KIF1A: variants seen among roughly 807,000 people sequenced by gnomAD.
The protein encoded by KIF1A is kinesin-like protein KIF1A.
Under a neutral mutation model 227.3 loss-of-function variants are expected in KIF1A, and 46 were observed. That is an observed-to-expected ratio of 0.20 (90% CI 0.16 to 0.26). The LOEUF (loss-of-function observed/expected upper bound fraction) is 0.26. KIF1A is among the 10% of genes least tolerant of loss of function. KIF1A has a pLI of 1.00. For missense variants in KIF1A, 1,683 were observed against 2,485.9 expected (o/e 0.68, Z 6.87); for synonymous variants, 1,022 against 1,012.8 (o/e 1.01, Z -0.17).
chr2:240,729,310 C>T (rs1421068752), intron 38 of KIF1A, among the ~76,000 whole-genome samples: 1 of 148,680 alleles, frequency 6.7e-6, no homozygotes, highest in African/African-American at 2.6e-5. Context: ...CCTTCTCTTC[C>T]ATCTCCGTGT....
intron 28 of KIF1A, among the ~76,000 whole-genome samples, 175 bp from the exon 29 acceptor site, chr2:240,747,496 G>C (rs1396313178): frequency 6.6e-6 from 1 of 152,130 alleles, no homozygotes; most frequent in East Asian, 1.9e-4. Flanking sequence ...GCATGTCCCG[G>C]CACACTGACC....
chr2:240,730,688 G>A (rs537398243), intron 38 of KIF1A, among the ~76,000 whole-genome samples: 1 of 152,218 alleles, frequency 6.6e-6, no homozygotes, highest in South Asian at 2.1e-4. Flanking sequence ...CTAAGAGCAG[G>A]GGATTGTGCT....
intron 1 of KIF1A, among the ~76,000 whole-genome samples, chr2:240,798,519 C>T (rs1454193325): frequency 2.0e-5 from 3 of 152,238 alleles, no homozygotes; most frequent in Non-Finnish European, 2.9e-5. Flanking sequence ...CAGCTTCGGC[C>T]TGGCCTTTAC....
chr2:240,717,808 G>T (rs557881744), intron 48 of KIF1A, among the ~76,000 whole-genome samples: 7 of 152,232 alleles, frequency 4.6e-5, no homozygotes, highest in Non-Finnish European at 1.0e-4. Context: ...GTGAGGGCAG[G>T]CCGCGCTGCC....
Position 240,792,558 on chromosome 2 carries a change from G to A in KIF1A, c.107-3246C>T, listed in dbSNP as rs1174473004. Among the ~76,000 whole-genome samples the A allele has an allele frequency of 1.3e-5, 2 of 152,036 alleles. No homozygotes were observed. Among genetic ancestry groups the A allele is most frequent in the Non-Finnish European group, 2.9e-5 (2 of 67,994 alleles). ...GGGTGAGGAGTGGGGGGAGCTGGAA[G>A]AAGGGGGACGGGAAAGGAATGGAAT... is the stretch of plus-strand genomic sequence containing the variant. On this transcript the variant is annotated intron_variant, in intron 2 of 48. Coordinates refer to ENST00000498729, the MANE Select transcript of KIF1A (RefSeq NM_001244008.2). This position sits in a 1 kb window ranked among gnomAD's most constrained non-coding sequence, Gnocchi z 4.5.
Position 240,744,013 on chromosome 2 carries a change from C to T in KIF1A, c.3513G>A (p.Gln1171=). 1 of 1,613,806 alleles carries T rather than the reference C, an allele frequency of 6.2e-7. No homozygotes were observed. Among genetic ancestry groups the T allele is most frequent in the Admixed American group, 1.7e-5 (1 of 60,020 alleles). Residue 1171 remains glutamine (Q), a synonymous_variant, in exon 33 of 49, where the codon CAG becomes CAA. Transcript: ENST00000498729. The part of the protein sequence containing the change: ...TKSFIEYIKS[Q]PIVFEVFGHY... Reference sequence around the variant, plus strand: ...GGCCAAAGACCTCGAAAACAATGGGCTGGCTCTTGATGTACTCAATGAAGG... The same window carrying T: ...GGCCAAAGACCTCGAAAACAATGGGTTGGCTCTTGATGTACTCAATGAAGG...
chr2:240,769,318 G>A, intron 16 of KIF1A, 110 bp from the exon 17 acceptor site: 1 of 918,484 alleles, frequency 1.1e-6, no homozygotes, highest in Non-Finnish European at 1.7e-6. Flanking sequence ...TGGCCTGGGT[G>A]GTGCCCATGC....
Position 240,721,132 on chromosome 2 carries a change from T to A in KIF1A, c.4744-94A>T, listed in dbSNP as rs920291371. The A allele has an allele frequency of 9.3e-6, 14 of 1,499,920 alleles. No homozygotes were observed. The East Asian group carries it at 3.1e-4, about 34-fold the overall frequency. 92.9% of individuals were successfully genotyped at this position (1,499,920 alleles called of 1,614,324 possible). A position where few individuals can be genotyped will look rare whatever the true frequency, so the allele number is the denominator to read the frequency against. On this transcript the variant is annotated intron_variant, in intron 44 of 48. Coordinates refer to ENST00000498729, the MANE Select transcript of KIF1A (RefSeq NM_001244008.2). ...CCTGTGCCTGCGCTTACCCCACACCTGCTGCTTAGGGCACCCCACCCCTCC... is the reference window on the plus strand; with the variant it reads ...CCTGTGCCTGCGCTTACCCCACACCAGCTGCTTAGGGCACCCCACCCCTCC...
At position 240,725,500 on chromosome 2, in the gene KIF1A, C is replaced by G; in HGVS notation, c.4123-96G>C. On this transcript the variant is annotated intron_variant, in intron 39 of 48. Coordinates refer to ENST00000498729, the MANE Select transcript of KIF1A (RefSeq NM_001244008.2). The surrounding 1 kb of genome is among the most constrained non-coding windows in gnomAD (Gnocchi z 5.8). ...CTGGGGGCACAATGCCCAGCACCGACAGGCAGCCCCAGGGCCTTCCCAGGG... is the reference window on the plus strand; with the variant it reads ...CTGGGGGCACAATGCCCAGCACCGAGAGGCAGCCCCAGGGCCTTCCCAGGG... The G allele has an allele frequency of 7.3e-7, 1 of 1,364,722 alleles. No homozygotes were observed. Among genetic ancestry groups the G allele is most frequent in the Non-Finnish European group, 1.0e-6 (1 of 993,262 alleles). 84.5% of individuals were successfully genotyped at this position (1,364,722 alleles called of 1,614,324 possible).
chr2:240,782,722 C>T, intron 9 of KIF1A, 115 bp from the exon 10 acceptor site: 1 of 1,113,162 alleles, frequency 9.0e-7, no homozygotes, highest in Non-Finnish European at 1.3e-6. Context: ...CAGGCTCTAC[C>T]ACCCCGTGGT....
rs1429873723 is a variant in KIF1A at position 240,741,243 on chromosome 2, C to T, written c.3749+26G>A. The T allele has an allele frequency of 5.9e-6, 9 of 1,527,820 alleles. No homozygotes were observed. The South Asian group carries it at 8.3e-5, about 14-fold the overall frequency. 94.6% of individuals were successfully genotyped at this position (1,527,820 alleles called of 1,614,324 possible). On this transcript the variant is annotated intron_variant, in intron 35 of 48. Coordinates refer to ENST00000498729, the MANE Select transcript of KIF1A (RefSeq NM_001244008.2). Reference sequence around the variant, plus strand: ...GCACCCCCCGACACACACTCACGCCCTGGGGGCCCCAGCACCAGCACTCAC... The same window carrying T: ...GCACCCCCCGACACACACTCACGCCTTGGGGGCCCCAGCACCAGCACTCAC...
intron 38 of KIF1A, 50 bp downstream of exon 38, chr2:240,737,013 C>T: frequency 2.0e-6 from 3 of 1,471,836 alleles, no homozygotes; most frequent in Non-Finnish European, 2.8e-6. Context: ...GAGGGCCTGG[C>T]AGGCTGGGAA....
At chr2:240,759,262 C>A (rs1559505095) in intron 25 of KIF1A, among the ~76,000 whole-genome samples, 1 of 151,976 alleles carries the variant, frequency 6.6e-6, no homozygotes, top group Non-Finnish European at 1.5e-5. Context: ...GCACTGCAGG[C>A]TGGGGAGGGC....
chr2:240,773,016 A>G (rs2052214578), intron 13 of KIF1A, 98 bp downstream of exon 13: 1 of 1,338,904 alleles, frequency 7.5e-7, no homozygotes, highest in South Asian at 1.5e-5. Flanking sequence ...TGCAGCCAGC[A>G]AAGTGGTGGC....
chr2:240,807,078 ATGTGTGTGTGTGTGTGTG>A (rs67918205), intron 1 of KIF1A, among the ~76,000 whole-genome samples: 14 of 95,254 alleles, frequency 1.5e-4, no homozygotes, highest in Admixed American at 2.1e-4. Flanking sequence ...CCTCATATAT[ATGTGTGTGTGTGTGTGTG>A]TGTGTGTGTG....
At chr2:240,767,126 C>T (rs528068843) in intron 18 of KIF1A, 105 bp from the exon 19 acceptor site, 2 of 1,134,360 alleles carry the variant, frequency 1.8e-6, no homozygotes, top group African/African-American at 3.1e-5. Flanking sequence ...TGGGAAACAC[C>T]CAGCGCAGAC....
At chr2:240,734,658 G>A (rs1575542616) in intron 38 of KIF1A, 2 of 1,247,274 alleles carry the variant, frequency 1.6e-6, no homozygotes, top group South Asian at 2.5e-5. Context: ...CAGGGGAGGA[G>A]CAGGGAGGAA....
chr2:240,789,395 G>A lies in KIF1A; in HGVS notation c.107-83C>T. 8.6e-7 allele frequency: 1 copy of A among 1,158,052 alleles called. No homozygotes were observed. Among genetic ancestry groups the A allele is most frequent in the Non-Finnish European group, 1.3e-6 (1 of 771,386 alleles). The allele number at this position is 1,158,052 out of a possible 1,614,324, so 71.7% of individuals were successfully genotyped here. A position where few individuals can be genotyped will look rare whatever the true frequency, so the allele number is the denominator to read the frequency against. On this transcript the variant is annotated intron_variant, in intron 2 of 48. Transcript: ENST00000498729. The surrounding 1 kb of genome is among the most constrained non-coding windows in gnomAD (Gnocchi z 4.8). Reference sequence around the variant, plus strand: ...CATCTACACTCCAAGGTGGGGAGATGGTCTTAAGAGGCCTCGGGCCCCAGA... The same window carrying A: ...CATCTACACTCCAAGGTGGGGAGATAGTCTTAAGAGGCCTCGGGCCCCAGA...
chr2:240,805,271 T>C (rs1379379847), intron 1 of KIF1A, among the ~76,000 whole-genome samples: 1 of 152,182 alleles, frequency 6.6e-6, no homozygotes, highest in Non-Finnish European at 1.5e-5. Flanking sequence ...TAAGTTGGCT[T>C]AAATGTTCTA....
Sources: gnomAD v4.1 joint callset for allele counts (sites outside exome capture counted in the v4.1 genomes callset) on GRCh38, gnomAD v4.1.1 for gene constraint, Gnocchi (gnomAD v3.1) non-coding constraint, MANE v1.5 for transcripts, NCBI Gene and HGNC (gene_info 2026-07-23, HGNC 2026-07-21) for gene names.